LRRK2: variants seen among roughly 807,000 people sequenced by gnomAD.
The protein encoded by LRRK2 is leucine rich repeat kinase 2.
Under a neutral mutation model 302.6 loss-of-function variants are expected in LRRK2, and 203 were observed. The ratio of observed to expected loss-of-function variants is 0.67; its 90% CI spans 0.60 to 0.75. The LOEUF is 0.75. Ranked by LOEUF, LRRK2 falls within the 30% of genes least tolerant of loss-of-function variation. The pLI is 0.00. For synonymous variants in LRRK2, 1,066 were observed against 1,031.9 expected, an observed-to-expected ratio of 1.03 and a Z score of -0.63; for missense variants, 2,830 against 2,951.0, an observed-to-expected ratio of 0.96 and a Z score of 0.95.
At chr12:40,250,132 T>C (rs918731826) in intron 8 of LRRK2, among the ~76,000 whole-genome samples, 187 bp downstream of exon 8, 2 of 152,206 alleles carry the variant, frequency 1.3e-5, no homozygotes, top group African/African-American at 4.8e-5. Context: ...CATCTCAATG[T>C]AGAGTTTTGC....
At chr12:40,258,452 A>G (rs1286618749) in intron 12 of LRRK2, among the ~76,000 whole-genome samples, 1 of 152,190 alleles carries the variant, frequency 6.6e-6, no homozygotes, top group Admixed American at 6.6e-5. Flanking sequence ...AAACCTTTAC[A>G]AATGAGGCAA....
chr12:40,253,094 G>T, intron 11 of LRRK2, 78 bp downstream of exon 11: 1 of 903,128 alleles, frequency 1.1e-6, no homozygotes, highest in Non-Finnish European at 1.8e-6. Context: ...TATATACTGT[G>T]AAAAATTTAC....
At chr12:40,290,818 A>T (rs1156909312) in intron 20 of LRRK2, among the ~76,000 whole-genome samples, 1 of 151,720 alleles carries the variant, frequency 6.6e-6, no homozygotes, top group African/African-American at 2.4e-5. Context: ...TCTTATCTTT[A>T]TTGTTCCCTT....
In LRRK2 at chr12:40,298,798, T is replaced by TATATATATATATATATATAA. The variant is rs57355300; in HGVS notation, c.3347+306_3347+307insTATATATATATATATATAAA. Among the ~76,000 whole-genome samples, 7 of 94,264 alleles carry TATATATATATATATATATAA rather than the reference T, an allele frequency of 7.4e-5. 1 individual carries two copies. Among genetic ancestry groups the TATATATATATATATATATAA allele is most frequent in the African/African-American group, 1.3e-4 (3 of 23,786 alleles). 61.8% of individuals were successfully genotyped at this position (94,264 alleles called of 152,430 possible). A position where few individuals can be genotyped will look rare whatever the true frequency, so the allele number is the denominator to read the frequency against. On this transcript the variant is annotated intron_variant, in intron 24 of 50. Transcript: ENST00000298910. The stretch of plus-strand genomic sequence containing the variant: ...AAAGAAATATATATATATATATATA[T>TATATATATATATATATATAA]AATATATGTATTATAATATATAATA...
At chr12:40,300,994 C>T (rs1430660663) in intron 25 of LRRK2, 8 of 468,762 alleles carry the variant, frequency 1.7e-5, no homozygotes, top group Non-Finnish European at 2.6e-5. Flanking sequence ...AATGGTCATA[C>T]CTAGGACAGG....
At chr12:40,302,999 G>A (rs902728249) in intron 26 of LRRK2, 117 bp downstream of exon 26, 31 of 706,762 alleles carry the variant, frequency 4.4e-5, no homozygotes, top group Admixed American at 3.4e-4. Flanking sequence ...TCAACTTGAT[G>A]TTTTTGTATG....
At chr12:40,305,752 C>G (rs1944795552) in intron 27 of LRRK2, 33 bp from the exon 28 acceptor site, 1 of 1,603,474 alleles carries the variant, frequency 6.2e-7, no homozygotes. Context: ...TTCCTTCCCA[C>G]CAACAGGTTT....
chr12:40,360,963 A>C (rs1946686333), intron 47 of LRRK2, among the ~76,000 whole-genome samples: 1 of 152,132 alleles, frequency 6.6e-6, no homozygotes. Context: ...TTTCCTTCAC[A>C]GTAGCTATAA....
rs567343073 is a variant in LRRK2, at chr12:40,245,864, G to A, written c.838+2183G>A. ...ACAATTTGTTTCTAAATGCACTTAA[G>A]TTCTCTACCTAGCAATTATATAATT... is the stretch of plus-strand genomic sequence containing the variant. On this transcript the variant is annotated intron_variant, in intron 7 of 50. Coordinates refer to ENST00000298910, the MANE Select transcript of LRRK2 (RefSeq NM_198578.4). Among the ~76,000 whole-genome samples, 86 of 151,994 alleles carry A rather than the reference G, an allele frequency of 5.7e-4. No homozygotes were observed. The South Asian group carries it at 0.015, about 26-fold the overall frequency.
chr12:40,269,125 G>T (rs1475062834), intron 14 of LRRK2, among the ~76,000 whole-genome samples: 1 of 152,116 alleles, frequency 6.6e-6, no homozygotes, highest in Non-Finnish European at 1.5e-5. Flanking sequence ...AAATTAAAAT[G>T]CCATGTTTTC....
Position 40,232,303 on chromosome 12 carries a change from A to G in LRRK2, c.267A>G (p.Ile89Met), listed in dbSNP as rs1364226173. ...GTTGGTCACTTCTGTGCAAATTAAT[A>G]GAAGTCTGTCCAGGTACAATGCAAA... ...QVGWSLLCKL[I>M]EVCPGTMQSL... Residue 89 changes from isoleucine (I) to methionine (M), a missense_variant, in exon 3 of 51, where the codon ATA becomes ATG. By Grantham distance (10) the Ile-to-Met change is conservative. This residue lies in a region of LRRK2 where 2,121 missense variants were observed against 2,148.0 expected (regional missense o/e 0.99). Coordinates refer to ENST00000298910, the MANE Select transcript of LRRK2 (RefSeq NM_198578.4). 1.2e-6 allele frequency: 2 copies of G among 1,614,022 alleles called. No individual in the cohort carries two copies. The highest frequency in any genetic ancestry group is 2.2e-5 in the South Asian group (2 of 91,090).
chr12:40,353,344 A>T (rs140722234), intron 44 of LRRK2, among the ~76,000 whole-genome samples: 1 of 139,402 alleles, frequency 7.2e-6, no homozygotes, highest in African/African-American at 2.8e-5. Context: ...CCTCCCAGAC[A>T]GGGTTGCGGC....
rs1022487688 is a variant in LRRK2 at position 40,258,471 on chromosome 12, C to T, written c.1419-1009C>T. Among the ~76,000 whole-genome samples the T allele has an allele frequency of 5.3e-5, 8 of 152,168 alleles. No individual in the cohort carries two copies. The South Asian group carries it at 6.2e-4, about 12-fold the overall frequency. Reference sequence around the variant, plus strand: ...CTTTACAAATGAGGCAAAAACACAGCGGAATAAACTCCAGTCTAGGATTCT... The same window carrying T: ...CTTTACAAATGAGGCAAAAACACAGTGGAATAAACTCCAGTCTAGGATTCT... On this transcript the variant is annotated intron_variant, in intron 12 of 50. Coordinates refer to ENST00000298910, the MANE Select transcript of LRRK2 (RefSeq NM_198578.4).
intron 39 of LRRK2, among the ~76,000 whole-genome samples, chr12:40,333,849 G>C (rs1322926637): frequency 6.6e-6 from 1 of 152,048 alleles, no homozygotes; most frequent in African/African-American, 2.4e-5. Flanking sequence ...CACAGGCAAA[G>C]ACCCTATGAT....
intron 44 of LRRK2, among the ~76,000 whole-genome samples, chr12:40,352,395 A>G (rs1429307766): frequency 6.6e-6 from 1 of 151,932 alleles, no homozygotes; most frequent in Non-Finnish European, 1.5e-5. Context: ...CTAGACTTCA[A>G]AGACAACCTA....
At chr12:40,358,147 A>C (rs1378963064) in intron 46 of LRRK2, among the ~76,000 whole-genome samples, 1 of 151,844 alleles carries the variant, frequency 6.6e-6, no homozygotes. Context: ...ATTCTGGATG[A>C]ATAGTTTGCA....
In LRRK2 at chr12:40,261,032, AT is replaced by A. The variant is rs1036917835; in HGVS notation, c.1543+1435del. ...TTCAAGGACAGAGCTTTCTTCAGTC[AT>A]TTTTTTCTGGGCCCCCCAGTCCTCT... On this transcript the variant is annotated intron_variant, in intron 13 of 50. Transcript: ENST00000298910. Among the ~76,000 whole-genome samples, 69 of 152,148 alleles carry A rather than the reference AT, an allele frequency of 4.5e-4. 1 individual carries two copies. The highest frequency in any genetic ancestry group is 1.2e-3 in the Admixed American group (18 of 15,272).
chr12:40,359,559 T>G, intron 47 of LRRK2, 115 bp downstream of exon 47: 1 of 906,186 alleles, frequency 1.1e-6, no homozygotes, highest in Non-Finnish European at 1.6e-6. Context: ...ATGCATAATT[T>G]ATTTTCTATC....
chr12:40,283,193 A>G (rs1943778605), intron 18 of LRRK2, among the ~76,000 whole-genome samples: 1 of 152,180 alleles, frequency 6.6e-6, no homozygotes, highest in African/African-American at 2.4e-5. Context: ...TAGGGCCAGC[A>G]TGCAGTGCCA....
Sources: allele counts gnomAD v4.1 joint callset (sites outside exome capture counted in the v4.1 genomes callset), GRCh38; gene constraint gnomAD v4.1.1; regional missense constraint gnomAD v4.1.1; transcripts MANE v1.5; gene names NCBI Gene and HGNC (gene_info 2026-07-23, HGNC 2026-07-21).